SSX2IP: variants seen among roughly 807,000 people sequenced by gnomAD.
SSX2IP encodes SSX family member 2 interacting protein, also known as afadin- and alpha-actinin-binding protein.
In SSX2IP, 55 loss-of-function variants were observed where a neutral mutation model predicts 84.9. That is an observed-to-expected ratio of 0.65 (90% CI 0.52 to 0.81). The LOEUF (loss-of-function observed/expected upper bound fraction) is 0.81, where lower values mean the gene tolerates loss of function less well. Among genes scored for constraint, SSX2IP ranks in the 30% least tolerant of loss-of-function variants. SSX2IP has a pLI of 0.00. For synonymous variants in SSX2IP, 239 were observed against 234.7 expected (o/e 1.02, Z -0.17); for missense variants, 664 against 705.2 (o/e 0.94, Z 0.66).
At position 84,666,192 on chromosome 1, in the gene SSX2IP, T is replaced by C. The variant is rs1652753726; in HGVS notation, c.467A>G (p.Gln156Arg). 6.2e-7 allele frequency: 1 copy of C among 1,612,854 alleles called. No homozygotes were observed. The highest frequency in any genetic ancestry group is 8.5e-7 in the Non-Finnish European group (1 of 1,179,330). The change falls in exon 5 of 14, where the codon CAG becomes CGG. Residue 156 changes from glutamine (Q) to arginine (R), a missense_variant. By Grantham distance (43) the Gln-to-Arg change is conservative (BLOSUM62 1). Coordinates refer to ENST00000342203, the MANE Select transcript of SSX2IP (RefSeq NM_001166293.2). ...ACATTGTAACTGTCTGTCTCTTTCCTGAAGCCCAATCATTTCCCTCCTGGA... is the reference window on the plus strand; with the variant it reads ...ACATTGTAACTGTCTGTCTCTTTCCCGAAGCCCAATCATTTCCCTCCTGGA... ...ETSRREMIGL[Q>R]ERDRQLQCKN...
At chr1:84,656,671 ATTATT>A (rs1042092042) in intron 9 of SSX2IP, among the ~76,000 whole-genome samples, 187 bp from the exon 10 acceptor site, 8 of 152,162 alleles carry the variant, frequency 5.3e-5, no homozygotes, top group African/African-American at 1.2e-4. Context: ...TTAAATTTAT[ATTATT>A]TTAACATTAT....
Position 84,655,950 on chromosome 1 carries a change from T to C in SSX2IP, c.1271A>G (p.Tyr424Cys). ...GAGACGTTCCTTTTCTTCCAACAAA[T>C]AACAGTCTCGTAATAGTGAAGTGGT... The part of the protein sequence containing the change: ...DDTTSLLRDC[Y>C]LLEEKERLKE... Residue 424 changes from tyrosine (Y) to cysteine (C), a missense_variant, in exon 11 of 14, where the codon TAT (tyrosine) becomes TGT (cysteine). Physicochemically the swap from Tyr to Cys is radical, Grantham distance 194. Transcript: ENST00000342203. The C allele has an allele frequency of 6.2e-7, 1 of 1,613,742 alleles. No individual in the cohort carries two copies. The highest frequency in any genetic ancestry group is 8.5e-7 in the Non-Finnish European group (1 of 1,179,910).
chr1:84,670,332 G>C (rs1653382588), intron 3 of SSX2IP: 1 of 192,064 alleles, frequency 5.2e-6, no homozygotes, highest in South Asian at 1.6e-4. Context: ...AGAGTTAAGA[G>C]GACGGGGCTC....
chr1:84,678,684 A>T (rs1481326144), intron 1 of SSX2IP, among the ~76,000 whole-genome samples: 3 of 152,350 alleles, frequency 2.0e-5, no homozygotes, highest in Middle Eastern at 3.4e-3. Context: ...AGAAGAGTCA[A>T]TCCTTTACAG....
At chr1:84,664,703 T>C (rs1378172814) in intron 5 of SSX2IP, 151 bp from the exon 6 acceptor site, 1 of 588,810 alleles carries the variant, frequency 1.7e-6, no homozygotes, top group Non-Finnish European at 2.6e-6. Flanking sequence ...TTAAATATTA[T>C]ATGAATCACA....
chr1:84,655,308 AT>A (rs11333107), intron 11 of SSX2IP: 107,825 of 702,842 alleles, frequency 0.15, 1,812 homozygotes, highest in African/African-American at 0.2. Flanking sequence ...AGTTTTGTTG[AT>A]TTTTTTTTTT....
At chr1:84,650,639 G>C in intron 12 of SSX2IP, 112 bp from the exon 13 acceptor site, 1 of 1,105,718 alleles carries the variant, frequency 9.0e-7, no homozygotes, top group South Asian at 1.4e-5. Flanking sequence ...GAAAGAGATG[G>C]AACAAATTCA....
chr1:84,678,690 T>C (rs572935142), intron 1 of SSX2IP, among the ~76,000 whole-genome samples: 1 of 152,338 alleles, frequency 6.6e-6, no homozygotes, highest in Non-Finnish European at 1.5e-5. Context: ...GTCAATCCTT[T>C]ACAGAAAAGA....
Position 84,669,789 on chromosome 1 carries a change from C to G in SSX2IP, c.318G>C (p.Leu106=). 2 of 1,613,778 alleles carry G rather than the reference C, an allele frequency of 1.2e-6. No homozygotes were observed. The highest frequency in any genetic ancestry group is 4.5e-5 in the East Asian group (2 of 44,854). The change falls in exon 4 of 14, where the codon CTG becomes CTC. Residue 106 remains leucine (L), a synonymous_variant. Coordinates refer to ENST00000342203, the MANE Select transcript of SSX2IP (RefSeq NM_001166293.2). The part of the protein sequence containing the change: ...IVAVLNCMNE[L]LVLQRKNLLA... ...GAAGGTTCTTCCGCTGAAGCACAAG[C>G]AGCTCATTCATACAATTTAGTACAG...
At chr1:84,679,919 C>A (rs1399818179) in intron 1 of SSX2IP, among the ~76,000 whole-genome samples, 1 of 152,174 alleles carries the variant, frequency 6.6e-6, no homozygotes, top group Non-Finnish European at 1.5e-5. Context: ...TCCAACCCCC[C>A]AACCCCACAT....
chr1:84,651,492 C>A (rs1650240307), intron 12 of SSX2IP, among the ~76,000 whole-genome samples: 1 of 152,086 alleles, frequency 6.6e-6, no homozygotes, highest in Non-Finnish European at 1.5e-5. Context: ...CTTTGGGAGG[C>A]TGAGATGGGT....
Position 84,646,594 on chromosome 1 carries a change from T to C in SSX2IP, c.*839A>G, listed in dbSNP as rs1344280804. ...TAAACCAATTTCTTAAATTGTTTTA[T>C]TCAAAGGTACTTTTGTCGTCTTGCC... On this transcript the variant is annotated 3_prime_UTR_variant, in exon 14 of 14. Transcript: ENST00000342203. 1.3e-5 allele frequency: 2 copies of C among 152,616 alleles called. No individual in the cohort carries two copies. Among genetic ancestry groups the C allele is most frequent in the African/African-American group, 2.4e-5 (1 of 41,468 alleles). The allele number at this position is 152,616 out of a possible 1,614,324, so 9.5% of individuals were successfully genotyped here. A position where few individuals can be genotyped will look rare whatever the true frequency, so the allele number is the denominator to read the frequency against.
chr1:84,657,244 T>C (rs74098425), intron 9 of SSX2IP, among the ~76,000 whole-genome samples: 6 of 152,200 alleles, frequency 3.9e-5, no homozygotes, highest in African/African-American at 1.4e-4. Context: ...AGGATAATAG[T>C]TAAGTGAAAA....
At chr1:84,664,820 T>C (rs1407123096) in intron 5 of SSX2IP, among the ~76,000 whole-genome samples, 1 of 152,162 alleles carries the variant, frequency 6.6e-6, no homozygotes, top group Non-Finnish European at 1.5e-5. Context: ...CCAGATATTC[T>C]TATGGAAGTA....
chr1:84,660,296 A>C (rs1302932925), intron 8 of SSX2IP, among the ~76,000 whole-genome samples: 3 of 152,186 alleles, frequency 2.0e-5, no homozygotes, highest in African/African-American at 7.2e-5. Context: ...CTGGCTGAGT[A>C]ATGGGGGTGA....
intron 1 of SSX2IP, among the ~76,000 whole-genome samples, chr1:84,672,001 C>T (rs2102448231): frequency 6.6e-6 from 1 of 152,218 alleles, no homozygotes; most frequent in South Asian, 2.1e-4. Context: ...TATATTTATA[C>T]AGCATTTAAA....
At chr1:84,682,108 G>C (rs989967614) in intron 1 of SSX2IP, among the ~76,000 whole-genome samples, 21 of 152,228 alleles carry the variant, frequency 1.4e-4, no homozygotes, top group African/African-American at 4.3e-4. Context: ...CAAGAGAGCA[G>C]CTCACAAAGT....
intron 2 of SSX2IP, 75 bp downstream of exon 2, chr1:84,671,102 A>G (rs1005877228): frequency 1.3e-6 from 2 of 1,530,826 alleles, no homozygotes; most frequent in Non-Finnish European, 1.8e-6. Context: ...ATCTGCAGTA[A>G]TTATTTTATA....
intron 1 of SSX2IP, among the ~76,000 whole-genome samples, chr1:84,674,162 G>C (rs1007999440): frequency 2.0e-5 from 3 of 152,068 alleles, no homozygotes; most frequent in Non-Finnish European, 2.9e-5. Flanking sequence ...ATAAATTACC[G>C]TAACAATGAA....
Sources: gnomAD v4.1 joint callset for allele counts (sites outside exome capture counted in the v4.1 genomes callset) on GRCh38, gnomAD v4.1.1 for gene constraint, MANE v1.5 for transcripts, NCBI Gene and HGNC (gene_info 2026-07-23, HGNC 2026-07-21) for gene names.